DENND11: variants seen among roughly 807,000 people sequenced by gnomAD.
DENND11 encodes DENN domain-containing protein 11.
A neutral mutation model predicts 49.2 loss-of-function variants in DENND11; 34 were observed. The ratio of observed to expected loss-of-function variants is 0.69; its 90% confidence interval spans 0.53 to 0.92. The LOEUF is 0.92. Ranked by LOEUF, DENND11 falls within the 40% of genes least tolerant of loss-of-function variation. The pLI, the probability that DENND11 is intolerant of heterozygous loss-of-function variation, is 0.00. For synonymous variants in DENND11, 238 were observed against 230.3 expected (o/e 1.03, Z -0.30); for missense variants, 475 against 581.6 (o/e 0.82, Z 1.88).
intron 1 of DENND11, among the ~76,000 whole-genome samples, chr7:141,692,730 A>G (rs1285725345): frequency 6.6e-6 from 1 of 152,172 alleles, no homozygotes; most frequent in Non-Finnish European, 1.5e-5. Context: ...CTGTCGTGCT[A>G]GCTACCTGGG....
rs1276209143 is a variant in DENND11, at chr7:141,658,714, A to G, written c.*3942T>C. The G allele has an allele frequency of 6.6e-6, 1 of 152,012 alleles. No individual in the cohort carries two copies. The highest frequency in any genetic ancestry group is 1.5e-5 in the Non-Finnish European group (1 of 68,032). 9.4% of individuals were successfully genotyped at this position (152,012 alleles called of 1,614,324 possible). A position where few individuals can be genotyped will look rare whatever the true frequency, so the allele number is the denominator to read the frequency against. ...GACCTATACAGGGTCTGGAGAAAGC[A>G]TCTCAATCCATTCCCTGGGCTATAC... is the stretch of plus-strand genomic sequence containing the variant. On this transcript the variant is annotated 3_prime_UTR_variant, in exon 9 of 9. Transcript: ENST00000536163.
intron 1 of DENND11, among the ~76,000 whole-genome samples, chr7:141,688,127 A>G: frequency 6.6e-6 from 1 of 152,206 alleles, no homozygotes; most frequent in South Asian, 2.1e-4. Context: ...TGCGGGAATC[A>G]GGGAACTACA....
In DENND11 at chr7:141,701,997, C is replaced by T; in HGVS notation, c.157G>A (p.Glu53Lys). The change falls in exon 1 of 9, where the codon GAG becomes AAG. Residue 53 changes from glutamate to lysine, a missense_variant. By Grantham distance (56) the Glu-to-Lys change is moderately conservative (BLOSUM62 1). Coordinates refer to ENST00000536163, the MANE Select transcript of DENND11 (RefSeq NM_001080392.2). Reference protein sequence around the residue: ...AAEPPRRREPEEPAAPEVLLQ... With the variant: ...AAEPPRRREPKEPAAPEVLLQ... ...AGCACCTCCGGGGCGGCCGGCTCCT[C>T]GGGCTCCCGCCTCCGGGGCGGCTCC... is the stretch of plus-strand genomic sequence containing the variant. 3.5e-6 allele frequency: 4 copies of T among 1,137,162 alleles called. No individual in the cohort carries two copies. The South Asian group carries it at 1.3e-4, about 36-fold the overall frequency. 70.4% of individuals were successfully genotyped at this position (1,137,162 alleles called of 1,614,324 possible).
chr7:141,676,208 A>G (rs1334076329), intron 3 of DENND11, among the ~76,000 whole-genome samples: 1 of 152,170 alleles, frequency 6.6e-6, no homozygotes, highest in Non-Finnish European at 1.5e-5. Context: ...TTTCTGTGTT[A>G]TAGGGGGCTG....
At chr7:141,685,430 AGC>A (rs1339890517) in intron 3 of DENND11, 46 bp downstream of exon 3, 1 of 1,604,484 alleles carries the variant, frequency 6.2e-7, no homozygotes, top group Non-Finnish European at 8.5e-7. Context: ...CATATGCACC[AGC>A]TGGTGGATCC....
intron 1 of DENND11, among the ~76,000 whole-genome samples, chr7:141,699,596 GCT>G (rs904703801): frequency 3.9e-5 from 6 of 152,042 alleles, no homozygotes; most frequent in Non-Finnish European, 7.4e-5. Context: ...CTCACACTGC[GCT>G]CTCTCTTCCT....
At chr7:141,673,617 C>A (rs926682770) in intron 4 of DENND11, among the ~76,000 whole-genome samples, 3 of 152,224 alleles carry the variant, frequency 2.0e-5, no homozygotes, top group African/African-American at 7.2e-5. Flanking sequence ...CAACACCTAA[C>A]GCTTTGCTGG....
intron 1 of DENND11, among the ~76,000 whole-genome samples, chr7:141,700,122 T>C (rs1798483889): frequency 6.6e-6 from 1 of 152,166 alleles, no homozygotes; most frequent in Admixed American, 6.5e-5. Context: ...AAACTTCTTT[T>C]CTCTTTCCCT....
rs1256465424 is a variant in DENND11, at chr7:141,659,650, C to T, written c.*3006G>A. 1 of 152,308 alleles carries T rather than the reference C, an allele frequency of 6.6e-6. No individual in the cohort carries two copies. Among genetic ancestry groups the T allele is most frequent in the East Asian group, 1.9e-4 (1 of 5,194 alleles). The allele number at this position is 152,308 out of a possible 1,614,324, so 9.4% of individuals were successfully genotyped here. ...CAGCATCTCAGGTCAGCAATCATTTCCAAACTGGCACATAGTTCATTTCAC... is the reference window on the plus strand; with the variant it reads ...CAGCATCTCAGGTCAGCAATCATTTTCAAACTGGCACATAGTTCATTTCAC... On this transcript the variant is annotated 3_prime_UTR_variant, in exon 9 of 9. Transcript: ENST00000536163.
rs1015384839 is a variant in DENND11 at position 141,694,148 on chromosome 7, ACATT to A, written c.269-7494_269-7491del. The stretch of plus-strand genomic sequence containing the variant: ...CTAAAATTGCTCTAAAAAATAAAAT[ACATT>A]AATTATTTAAAAAAACCTAATTGAT... On this transcript the variant is annotated intron_variant, in intron 1 of 8. Transcript: ENST00000536163. 6.2e-4 allele frequency among the ~76,000 whole-genome samples: 95 copies of A among 152,194 alleles called. 1 individual carries two copies. Among genetic ancestry groups the A allele is most frequent in the African/African-American group, 2.1e-3 (87 of 41,456 alleles).
At chr7:141,683,075 G>A (rs1798173254) in intron 3 of DENND11, among the ~76,000 whole-genome samples, 1 of 151,982 alleles carries the variant, frequency 6.6e-6, no homozygotes, top group Non-Finnish European at 1.5e-5. Context: ...GAAACATGCT[G>A]CATGTTCAGC....
At chr7:141,682,276 G>A (rs1265812366) in intron 3 of DENND11, among the ~76,000 whole-genome samples, 1 of 152,186 alleles carries the variant, frequency 6.6e-6, no homozygotes, top group Non-Finnish European at 1.5e-5. Context: ...CTACAAGGGG[G>A]AAGAAGAGTA....
intron 8 of DENND11, 161 bp from the exon 9 acceptor site, chr7:141,663,012 A>T: frequency 1.9e-6 from 1 of 538,984 alleles, no homozygotes; most frequent in South Asian, 3.1e-5. Flanking sequence ...AAAGTTAATT[A>T]TTCAAGTGCT....
chr7:141,674,646 G>A (rs1256809586), intron 3 of DENND11, among the ~76,000 whole-genome samples: 3 of 152,112 alleles, frequency 2.0e-5, no homozygotes, highest in African/African-American at 4.8e-5. Context: ...GAGAACTCAC[G>A]CTTGCCTGCT....
chr7:141,678,993 G>A (rs900105587), intron 3 of DENND11, among the ~76,000 whole-genome samples: 3 of 151,968 alleles, frequency 2.0e-5, no homozygotes, highest in South Asian at 2.1e-4. Flanking sequence ...AGATACTGAG[G>A]GCAAAAATTG....
intron 8 of DENND11, 189 bp from the exon 9 acceptor site, chr7:141,663,040 A>G (rs1797828838): frequency 2.2e-6 from 1 of 464,684 alleles, no homozygotes; most frequent in East Asian, 3.5e-5. Context: ...TTAGCAAAGA[A>G]ACCATTTGGC....
chr7:141,664,082 G>T, intron 8 of DENND11, 90 bp downstream of exon 8: 1 of 1,107,436 alleles, frequency 9.0e-7, no homozygotes, highest in Non-Finnish European at 1.3e-6. Context: ...GGCATCCCTG[G>T]CCCGCAGTGA....
chr7:141,689,960 T>C (rs1201796547), intron 1 of DENND11, among the ~76,000 whole-genome samples: 1 of 152,268 alleles, frequency 6.6e-6, no homozygotes, highest in Admixed American at 6.5e-5. Context: ...CGGGCACTGC[T>C]GTAAACAATC....
At chr7:141,701,805 C>T in intron 1 of DENND11, 81 bp downstream of exon 1, 1 of 1,081,264 alleles carries the variant, frequency 9.2e-7, no homozygotes, top group South Asian at 4.4e-5. Flanking sequence ...GGTGCGCGCG[C>T]AGCGAGCCCC....
Sources: gnomAD v4.1 joint callset for allele counts (sites outside exome capture counted in the v4.1 genomes callset) on GRCh38, gnomAD v4.1.1 for gene constraint, MANE v1.5 for transcripts, NCBI Gene and HGNC (gene_info 2026-07-23, HGNC 2026-07-21) for gene names.